The following FBXO42 variants were observed in gnomAD, a reference collection of about 807,000 sequenced individuals.
FBXO42 encodes F-box only protein 42.
FBXO42 carries 12 observed loss-of-function variants against 71.7 expected under a neutral mutation model. The observed-to-expected ratio is 0.17, with a 90% CI of 0.11 to 0.27. The LOEUF (loss-of-function observed/expected upper bound fraction) is 0.27. Among genes scored for constraint, FBXO42 ranks in the 10% least tolerant of loss-of-function variants. FBXO42 has a pLI of 1.00. For synonymous variants in FBXO42, 325 were observed against 327.5 expected (o/e 0.99, Z 0.08); for missense variants, 707 against 911.9 (o/e 0.78, Z 2.89).
At chr1:16,313,712 T>C (rs1294596817) in intron 2 of FBXO42, among the ~76,000 whole-genome samples, 1 of 152,212 alleles carries the variant, frequency 6.6e-6, no homozygotes, top group Admixed American at 6.5e-5. Flanking sequence ...ATTTTAAAAC[T>C]GATTGATTTT....
rs780412789 is a variant in FBXO42, at chr1:16,255,837, A to C, written c.657-16T>G. 4 of 1,597,688 alleles carry C rather than the reference A, an allele frequency of 2.5e-6. No individual in the cohort carries two copies. In the Admixed American group the frequency reaches 6.9e-5, roughly 28 times the overall value. ...GCAGTTCCACCTAATGTAAAAAGAC[A>C]GGAGGAAGTCAAGAAGTCAGCACCA... On this transcript the variant is annotated splice_polypyrimidine_tract_variant and intron_variant, in intron 5 of 9. Transcript: ENST00000375592.
At chr1:16,301,417 C>T (rs1335268675) in intron 3 of FBXO42, among the ~76,000 whole-genome samples, 1 of 151,964 alleles carries the variant, frequency 6.6e-6, no homozygotes, top group African/African-American at 2.4e-5. Flanking sequence ...AATCCCAGCA[C>T]TTTGGGAGGC....
intron 1 of FBXO42, among the ~76,000 whole-genome samples, chr1:16,328,517 G>A (rs2082469614): frequency 6.6e-6 from 1 of 152,198 alleles, no homozygotes; most frequent in Admixed American, 6.6e-5. Flanking sequence ...AAGGAAGATA[G>A]AATGATCCTG....
rs1252854302 is a variant in FBXO42, at chr1:16,249,253, G to GT, written c.*1416dup. 2 of 152,170 alleles carry GT rather than the reference G, an allele frequency of 1.3e-5. No homozygotes were observed. Among genetic ancestry groups the GT allele is most frequent in the Admixed American group, 6.5e-5 (1 of 15,270 alleles). 9.4% of individuals were successfully genotyped at this position (152,170 alleles called of 1,614,324 possible). ...CCATGGTTGAGACTAGTAACTTTCT[G>GT]TATCAAGCAAAGAAATGCTCTACTT... On this transcript the variant is annotated 3_prime_UTR_variant, in exon 10 of 10. Transcript: ENST00000375592.
chr1:16,255,402 T>C (rs1028632674), intron 6 of FBXO42, among the ~76,000 whole-genome samples: 1 of 152,068 alleles, frequency 6.6e-6, no homozygotes, highest in African/African-American at 2.4e-5. Context: ...TGGGGTGATC[T>C]TGGCTCACTG....
intron 3 of FBXO42, among the ~76,000 whole-genome samples, chr1:16,297,001 C>T (rs2082137570): frequency 1.4e-5 from 2 of 147,998 alleles, no homozygotes; most frequent in East Asian, 2.1e-4. Context: ...TCCAGTGCCA[C>T]AATCTTGGCT....
intron 1 of FBXO42, among the ~76,000 whole-genome samples, chr1:16,342,410 A>C (rs1307092670): frequency 2.0e-5 from 3 of 151,130 alleles, no homozygotes; most frequent in Non-Finnish European, 4.4e-5. Flanking sequence ...AAAAAAAAAA[A>C]AAAAAAACCC....
intron 2 of FBXO42, among the ~76,000 whole-genome samples, chr1:16,309,099 ACT>A (rs1318123635): frequency 2.0e-5 from 2 of 102,552 alleles, no homozygotes; most frequent in Admixed American, 1.5e-4. Flanking sequence ...ACAGAGTGTC[ACT>A]CTGTCACCTA....
intron 1 of FBXO42, among the ~76,000 whole-genome samples, chr1:16,338,587 T>G (rs988197154): frequency 3.3e-5 from 5 of 151,978 alleles, no homozygotes; most frequent in African/African-American, 1.2e-4. Context: ...TTCTGCAGTC[T>G]CCAGGAATTT....
intron 4 of FBXO42, among the ~76,000 whole-genome samples, chr1:16,264,855 A>T (rs112051561): frequency 0.011 from 1,699 of 152,316 alleles, 27 homozygotes; most frequent in African/African-American, 0.039. Flanking sequence ...TCAGAATAAA[A>T]TTTCACATAT....
At chr1:16,334,674 A>G (rs1465843700) in intron 1 of FBXO42, among the ~76,000 whole-genome samples, 1 of 152,156 alleles carries the variant, frequency 6.6e-6, no homozygotes, top group African/African-American at 2.4e-5. Context: ...TAACATTACC[A>G]TACAAAAGAT....
At chr1:16,278,779 CT>C (rs911741326) in intron 4 of FBXO42, among the ~76,000 whole-genome samples, 2 of 150,782 alleles carry the variant, frequency 1.3e-5, no homozygotes, top group African/African-American at 2.4e-5. Flanking sequence ...CTCTTTTTTT[CT>C]TTTTTTTTGA....
At chr1:16,257,541 A>T (rs2081659170) in intron 4 of FBXO42, among the ~76,000 whole-genome samples, 1 of 152,260 alleles carries the variant, frequency 6.6e-6, no homozygotes, top group African/African-American at 2.4e-5. Flanking sequence ...AATGTCTTAC[A>T]GGAGCATAAT....
At chr1:16,315,750 A>G (rs2082357052) in intron 1 of FBXO42, among the ~76,000 whole-genome samples, 1 of 152,212 alleles carries the variant, frequency 6.6e-6, no homozygotes, top group African/African-American at 2.4e-5. Context: ...TGACTGACCG[A>G]CAGCAAAGGG....
intron 1 of FBXO42, among the ~76,000 whole-genome samples, chr1:16,331,822 G>A (rs980939646): frequency 1.1e-4 from 16 of 152,048 alleles, no homozygotes; most frequent in East Asian, 1.9e-4. Flanking sequence ...AGGCTGAGGC[G>A]CGCAGATCAC....
At chr1:16,299,669 G>C (rs1274701358) in intron 3 of FBXO42, among the ~76,000 whole-genome samples, 1 of 152,010 alleles carries the variant, frequency 6.6e-6, no homozygotes, top group African/African-American at 2.4e-5. Context: ...TTTTGAGATG[G>C]AGTCTCGCTC....
chr1:16,248,363 T>G lies in FBXO42; in HGVS notation c.*2307A>C, dbSNP rs1490894059. 1 of 152,180 alleles carries G rather than the reference T, an allele frequency of 6.6e-6. No homozygotes were observed. The highest frequency in any genetic ancestry group is 1.5e-5 in the Non-Finnish European group (1 of 68,044). The allele number at this position is 152,180 out of a possible 1,614,324, so 9.4% of individuals were successfully genotyped here. A position where few individuals can be genotyped will look rare whatever the true frequency, so the allele number is the denominator to read the frequency against. Reference sequence around the variant, plus strand: ...GCAAACAGTCTGGTTCCAGGCAGTATGCGTCAAACTGGAATTCAATGGAGT... The same window carrying G: ...GCAAACAGTCTGGTTCCAGGCAGTAGGCGTCAAACTGGAATTCAATGGAGT... On this transcript the variant is annotated 3_prime_UTR_variant, in exon 10 of 10. Transcript: ENST00000375592.
intron 4 of FBXO42, among the ~76,000 whole-genome samples, chr1:16,268,834 A>C (rs1209857232): frequency 6.6e-6 from 1 of 151,184 alleles, no homozygotes; most frequent in African/African-American, 2.4e-5. Context: ...AAAAAAACAA[A>C]ATGAGCTGGG....
At chr1:16,350,780 A>AGAAAGAAAGAAAGAAAGAAAGAAG (rs1190056796) in intron 1 of FBXO42, among the ~76,000 whole-genome samples, 3 of 150,580 alleles carry the variant, frequency 2.0e-5, no homozygotes, top group Non-Finnish European at 4.4e-5. Context: ...AAAGAAAGAA[A>AGAAAGAAAGAAAGAAAGAAAGAAG]GAAAGAAAGA....
Sources: allele counts gnomAD v4.1 joint callset (sites outside exome capture counted in the v4.1 genomes callset), GRCh38; gene constraint gnomAD v4.1.1; transcripts MANE v1.5; gene names NCBI Gene and HGNC (gene_info 2026-07-23, HGNC 2026-07-21).